DNAI4: variants seen among roughly 807,000 people sequenced by gnomAD.
DNAI4 encodes WD repeat domain 78.
DNAI4 carries 85 observed loss-of-function variants against 105.8 expected under a neutral mutation model. That is an observed-to-expected ratio of 0.80 (90% CI 0.67 to 0.96). DNAI4 has a LOEUF of 0.96. Ranked by LOEUF, DNAI4 falls within the 40% of genes least tolerant of loss-of-function variation. The pLI is 0.00. For missense variants in DNAI4, 1,014 were observed against 1,005.6 expected, an observed-to-expected ratio of 1.01 and a Z score of -0.11; for synonymous variants, 352 against 331.5, an observed-to-expected ratio of 1.06 and a Z score of -0.67.
At chr1:66,883,190 T>C (rs927247943) in intron 4 of DNAI4, among the ~76,000 whole-genome samples, 53 of 149,262 alleles carry the variant, frequency 3.6e-4, no homozygotes, top group Admixed American at 5.3e-4. Context: ...CTTTTTTTTT[T>C]TTTTTTTTTT....
At chr1:66,896,767 G>C (rs1648371023) in intron 2 of DNAI4, among the ~76,000 whole-genome samples, 1 of 152,096 alleles carries the variant, frequency 6.6e-6, no homozygotes, top group Non-Finnish European at 1.5e-5. Flanking sequence ...ACCAGATGTG[G>C]TTCCTTGACC....
At chr1:66,866,978 C>A (rs897730877) in intron 6 of DNAI4, among the ~76,000 whole-genome samples, 14 of 152,186 alleles carry the variant, frequency 9.2e-5, no homozygotes, top group Admixed American at 6.5e-4. Flanking sequence ...GAGTGACGAG[C>A]GAAGGGGGAA....
chr1:66,873,208 TTCTCCCTCC>T lies in DNAI4; in HGVS notation c.800+1564_800+1572del, dbSNP rs1168897540. Among the ~76,000 whole-genome samples, 1,230 of 150,754 alleles carry T rather than the reference TTCTCCCTCC, an allele frequency of 8.2e-3. 15 individuals carry two copies. The highest frequency in any genetic ancestry group is 0.028 in the African/African-American group (1,148 of 41,008). ...CCTCTCCTTCTCCCTCTCCCTCTCC[TTCTCCCTCC>T]TCTCCCTCCTCTTCTTCTTCCTTTT... On this transcript the variant is annotated intron_variant, in intron 5 of 16. Transcript: ENST00000371026.
At chr1:66,918,986 C>A in intron 1 of DNAI4, 2 of 336,784 alleles carry the variant, frequency 5.9e-6, no homozygotes, top group South Asian at 2.4e-5. Flanking sequence ...ATCAGAAACT[C>A]AAAAGAATGC....
intron 2 of DNAI4, among the ~76,000 whole-genome samples, chr1:66,899,564 A>G (rs1387815837): frequency 6.6e-6 from 1 of 152,178 alleles, no homozygotes; most frequent in African/African-American, 2.4e-5. Flanking sequence ...TGATGCAAAC[A>G]TTTAAAAATT....
intron 1 of DNAI4, among the ~76,000 whole-genome samples, chr1:66,915,990 T>G (rs1418268351): frequency 6.6e-6 from 1 of 150,658 alleles, no homozygotes; most frequent in Non-Finnish European, 1.5e-5. Context: ...GGTGTGGTGG[T>G]GTGCACCTAT....
intron 2 of DNAI4, among the ~76,000 whole-genome samples, chr1:66,898,531 T>C (rs1648530975): frequency 6.6e-6 from 1 of 152,092 alleles, no homozygotes; most frequent in Non-Finnish European, 1.5e-5. Flanking sequence ...TTAGTTATCA[T>C]GAGAGGGGTC....
intron 5 of DNAI4, among the ~76,000 whole-genome samples, chr1:66,874,415 ATTTC>A (rs916453215): frequency 2.6e-5 from 4 of 152,114 alleles, no homozygotes; most frequent in Non-Finnish European, 4.4e-5. Flanking sequence ...TAAAAATGTC[ATTTC>A]TTTCTTTTTA....
intron 4 of DNAI4, among the ~76,000 whole-genome samples, chr1:66,888,769 A>G (rs1044011204): frequency 6.6e-5 from 10 of 152,230 alleles, no homozygotes; most frequent in East Asian, 1.9e-4. Context: ...TTGTTTTTCA[A>G]GTCTTCTGGA....
At position 66,871,416 on chromosome 1, in the gene DNAI4, T is replaced by G; in HGVS notation, c.894A>C (p.Pro298=). The G allele has an allele frequency of 6.2e-7, 1 of 1,612,258 alleles. No homozygotes were observed. Among genetic ancestry groups the G allele is most frequent in the Non-Finnish European group, 8.5e-7 (1 of 1,178,954 alleles). The change falls in exon 6 of 17, where the codon CCA becomes CCC. Residue 298 remains proline (P), a synonymous_variant. Transcript: ENST00000371026. ...TATCACATTGAACATCTTTATTCTT[T>G]GGTGCTCCATTGAAAGTCTGCATCA... The part of the protein sequence containing the change: ...ERMMQTFNGA[P]KNKDVQCDKI...
In DNAI4 at chr1:66,827,009, T is replaced by C. The variant is rs1645770040; in HGVS notation, c.2150A>G (p.His717Arg). Reference protein sequence around the residue: ...VYKVTWNPFCHDVFLSCSADW... With the variant: ...VYKVTWNPFCRDVFLSCSADW... ...TGCAGAACAGCTTAAAAATACATCA[T>C]GACAAAATGGATTCCATGTCACTTT... Residue 717 changes from histidine (H) to arginine (R), a missense_variant, in exon 15 of 17, where the codon CAT becomes CGT. His to Arg is a conservative substitution (Grantham distance 29). Transcript: ENST00000371026. 1 of 1,613,848 alleles carries C rather than the reference T, an allele frequency of 6.2e-7. No individual in the cohort carries two copies. The highest frequency in any genetic ancestry group is 2.2e-5 in the East Asian group (1 of 44,840).
At chr1:66,832,252 C>G (rs1645881378) in intron 13 of DNAI4, among the ~76,000 whole-genome samples, 1 of 152,150 alleles carries the variant, frequency 6.6e-6, no homozygotes, top group African/African-American at 2.4e-5. Flanking sequence ...CAGATCTGAA[C>G]TACATTAGCA....
chr1:66,836,308 G>C (rs1172237646), intron 10 of DNAI4, among the ~76,000 whole-genome samples: 6 of 149,580 alleles, frequency 4.0e-5, no homozygotes, highest in African/African-American at 1.2e-4. Context: ...AAGAAAGAAA[G>C]AAAGAAAGAA....
intron 2 of DNAI4, among the ~76,000 whole-genome samples, chr1:66,897,714 G>A (rs1345975061): frequency 1.3e-5 from 2 of 152,238 alleles, no homozygotes; most frequent in African/African-American, 4.8e-5. Context: ...CACTACTCCA[G>A]AAGATGTGAG....
intron 7 of DNAI4, among the ~76,000 whole-genome samples, chr1:66,856,491 TA>T (rs968855964): frequency 1.2e-4 from 18 of 151,154 alleles, no homozygotes; most frequent in South Asian, 2.1e-4. Flanking sequence ...AAAATAAAAA[TA>T]AAAAAAAATT....
rs2985800 is a variant in DNAI4, at chr1:66,881,515, T to C, written c.644-6578A>G. Among the ~76,000 whole-genome samples, 1,211 of 152,350 alleles carry C rather than the reference T, an allele frequency of 7.9e-3. 15 individuals are homozygous for C. Among genetic ancestry groups the C allele is most frequent in the African/African-American group, 0.028 (1,164 of 41,588 alleles). On this transcript the variant is annotated intron_variant, in intron 4 of 16. Transcript: ENST00000371026. ...TTTAAAATTTGACTGCCCTGCTGGA[T>C]TTTGGACTTGCATGGGGCCTGTAGC...
chr1:66,900,891 T>C (rs1648764428), intron 2 of DNAI4, among the ~76,000 whole-genome samples: 1 of 152,204 alleles, frequency 6.6e-6, no homozygotes, highest in Non-Finnish European at 1.5e-5. Context: ...TTATTTCTTT[T>C]TCTTGTCTAA....
At position 66,840,743 on chromosome 1, in the gene DNAI4, A is replaced by G; in HGVS notation, c.1292-72T>C. On this transcript the variant is annotated intron_variant, in intron 8 of 16. Coordinates refer to ENST00000371026, the MANE Select transcript of DNAI4 (RefSeq NM_024763.5). ...GGACCTGCCAAAGGCTCCAAACAGC[A>G]TATCTACCCACCACTGACACTTCAA... 5.4e-6 allele frequency: 8 copies of G among 1,474,010 alleles called. No individual in the cohort carries two copies. In the East Asian group the frequency reaches 6.8e-5, roughly 13 times the overall value. 91.3% of individuals were successfully genotyped at this position (1,474,010 alleles called of 1,614,324 possible).
intron 1 of DNAI4, among the ~76,000 whole-genome samples, chr1:66,917,622 CTT>C (rs1650164509): frequency 6.6e-6 from 1 of 152,168 alleles, no homozygotes; most frequent in African/African-American, 2.4e-5. Flanking sequence ...AGTCTTCAAA[CTT>C]TTCTTTTGAG....
Sources: allele counts gnomAD v4.1 joint callset (sites outside exome capture counted in the v4.1 genomes callset), GRCh38; gene constraint gnomAD v4.1.1; transcripts MANE v1.5; gene names NCBI Gene and HGNC (gene_info 2026-07-23, HGNC 2026-07-21).